The following RANBP17 variants were observed in gnomAD, a reference collection of about 807,000 sequenced individuals.
RANBP17 encodes RAN binding protein 17, also known as ran-binding protein 17.
A neutral mutation model predicts 141.2 loss-of-function variants in RANBP17; 158 were observed. That is an observed-to-expected ratio of 1.12 (90% CI 0.98 to 1.28). The LOEUF (loss-of-function observed/expected upper bound fraction) is 1.28, where lower values mean the gene tolerates loss of function less well. Ranked by LOEUF, RANBP17 falls within the 50% of genes most tolerant of loss-of-function variation. The pLI is 0.00. For missense variants in RANBP17, 1,438 were observed against 1,290.7 expected (o/e 1.11, Z -1.75); for synonymous variants, 430 against 450.0 (o/e 0.96, Z 0.56).
chr5:171,151,488 ACTT>A (rs1326443504), intron 14 of RANBP17, among the ~76,000 whole-genome samples: 1 of 152,234 alleles, frequency 6.6e-6, no homozygotes, highest in Non-Finnish European at 1.5e-5. Flanking sequence ...AATTTACAGA[ACTT>A]CTCCCAAGCA....
chr5:171,069,273 A>G (rs1250573872), intron 14 of RANBP17, among the ~76,000 whole-genome samples: 1 of 152,210 alleles, frequency 6.6e-6, no homozygotes, highest in East Asian at 1.9e-4. Flanking sequence ...CCCTAGCAGC[A>G]GGAAGCTGCA....
chr5:171,106,441 A>G (rs1397933924), intron 14 of RANBP17, among the ~76,000 whole-genome samples: 1 of 152,202 alleles, frequency 6.6e-6, no homozygotes, highest in Non-Finnish European at 1.5e-5. Flanking sequence ...TGGGTGTTAG[A>G]GAAGAATGAG....
rs867069636 is a variant in RANBP17 at position 171,089,607 on chromosome 5, T to C, written c.1711-80523T>C. Among the ~76,000 whole-genome samples the C allele has an allele frequency of 7.1e-3, 1,080 of 151,820 alleles. 9 individuals are homozygous for C. Among genetic ancestry groups the C allele is most frequent in the African/African-American group, 0.024 (1,004 of 41,232 alleles). ...CTCAGACTGCTGTGCTAGCAATCAG[T>C]GAGATTCCGTGGGCGTAGGACCCTC... On this transcript the variant is annotated intron_variant, in intron 14 of 27. Coordinates refer to ENST00000523189, the MANE Select transcript of RANBP17 (RefSeq NM_022897.5).
chr5:171,278,569 A>C (rs990465401), intron 25 of RANBP17, among the ~76,000 whole-genome samples: 1 of 152,162 alleles, frequency 6.6e-6, no homozygotes, highest in Non-Finnish European at 1.5e-5. Flanking sequence ...AAAACTCAAG[A>C]GCCATGAGGC....
intron 14 of RANBP17, among the ~76,000 whole-genome samples, chr5:171,052,888 T>C (rs1381798710): frequency 6.6e-6 from 1 of 152,222 alleles, no homozygotes; most frequent in Non-Finnish European, 1.5e-5. Flanking sequence ...GTTTCACTGT[T>C]GTTGCCCAGG....
At chr5:170,917,630 ATTTAT>A (rs1772085760) in intron 9 of RANBP17, among the ~76,000 whole-genome samples, 2 of 152,250 alleles carry the variant, frequency 1.3e-5, no homozygotes, top group South Asian at 4.1e-4. Context: ...TGGGTTATGC[ATTTAT>A]TTTATCTTTT....
chr5:171,075,810 G>A (rs1784881452), intron 14 of RANBP17, among the ~76,000 whole-genome samples: 1 of 152,060 alleles, frequency 6.6e-6, no homozygotes, highest in African/African-American at 2.4e-5. Flanking sequence ...AAAATTAGCT[G>A]GGCATGGTGA....
At chr5:171,011,598 A>G (rs1171801378) in intron 14 of RANBP17, among the ~76,000 whole-genome samples, 1 of 152,018 alleles carries the variant, frequency 6.6e-6, no homozygotes, top group Non-Finnish European at 1.5e-5. Context: ...TTCTACATCT[A>G]TATATACATT....
At chr5:171,235,452 T>C (rs1274841500) in intron 22 of RANBP17, among the ~76,000 whole-genome samples, 1 of 152,050 alleles carries the variant, frequency 6.6e-6, no homozygotes, top group African/African-American at 2.4e-5. Flanking sequence ...GCCTTGTCTT[T>C]AAGCACATAA....
At chr5:171,033,137 T>C (rs1317002068) in intron 14 of RANBP17, among the ~76,000 whole-genome samples, 2 of 151,220 alleles carry the variant, frequency 1.3e-5, no homozygotes, top group Admixed American at 1.3e-4. Context: ...AATCTGTGTT[T>C]TTCCTGTTGT....
intron 14 of RANBP17, among the ~76,000 whole-genome samples, chr5:171,064,701 C>G (rs1008842116): frequency 2.6e-5 from 4 of 151,212 alleles, no homozygotes; most frequent in Non-Finnish European, 5.9e-5. Context: ...ATTTTTTTTT[C>G]ATAGACATGG....
At chr5:171,260,015 T>C (rs1487404543) in intron 24 of RANBP17, among the ~76,000 whole-genome samples, 1 of 147,550 alleles carries the variant, frequency 6.8e-6, no homozygotes, top group Non-Finnish European at 1.5e-5. Context: ...AAAATAAAAA[T>C]TAGGTCGGGC....
rs776460707 is a variant in RANBP17 at position 170,968,224 on chromosome 5, T to A, written c.1575-18T>A. 1.2e-5 allele frequency: 19 copies of A among 1,531,060 alleles called. 1 individual carries two copies. In the South Asian group the frequency reaches 1.6e-4, roughly 13 times the overall value. 94.8% of individuals were successfully genotyped at this position (1,531,060 alleles called of 1,614,324 possible). On this transcript the variant is annotated intron_variant, in intron 13 of 27. Transcript: ENST00000523189. ...GGTTTTGTACTGAAGGTTTTTTTTT[T>A]ATTTTCCCTTCATGAAGAGTTTTTC...
At chr5:170,891,435 T>G (rs1279759389) in intron 3 of RANBP17, among the ~76,000 whole-genome samples, 1 of 152,166 alleles carries the variant, frequency 6.6e-6, no homozygotes. Flanking sequence ...TGATGATACA[T>G]AGTAGATGTT....
intron 14 of RANBP17, among the ~76,000 whole-genome samples, chr5:171,079,641 C>T (rs1283035370): frequency 6.6e-6 from 1 of 151,998 alleles, no homozygotes; most frequent in Admixed American, 6.6e-5. Context: ...CCTCTGCCAG[C>T]AAAAAAATTA....
chr5:171,213,479 A>G, intron 20 of RANBP17, 152 bp from the exon 21 acceptor site: 1 of 562,264 alleles, frequency 1.8e-6, no homozygotes, highest in Non-Finnish European at 3.1e-6. Context: ...CGCAATTTAT[A>G]AAATGCCATT....
intron 18 of RANBP17, among the ~76,000 whole-genome samples, chr5:171,183,845 C>T (rs760186492): frequency 1.5e-4 from 23 of 152,280 alleles, no homozygotes; most frequent in East Asian, 5.8e-4. Flanking sequence ...AATTATGGCA[C>T]GCCTACTTAC....
chr5:170,893,551 T>C (rs1006102669), intron 4 of RANBP17, among the ~76,000 whole-genome samples: 1 of 152,070 alleles, frequency 6.6e-6, no homozygotes, highest in Non-Finnish European at 1.5e-5. Flanking sequence ...CCCAGCACTT[T>C]GGGAGGCCAA....
intron 14 of RANBP17, chr5:170,968,869 G>T (rs1448296488): frequency 3.1e-6 from 1 of 320,922 alleles, no homozygotes; most frequent in Non-Finnish European, 6.0e-6. Context: ...ATAATTGAAT[G>T]TTTAGCATCA....
Sources: gnomAD v4.1 joint callset for allele counts (sites outside exome capture counted in the v4.1 genomes callset) on GRCh38, gnomAD v4.1.1 for gene constraint, MANE v1.5 for transcripts, NCBI Gene and HGNC (gene_info 2026-07-23, HGNC 2026-07-21) for gene names.